MANBA: variants seen among roughly 807,000 people sequenced by gnomAD.
MANBA encodes beta-mannosidase.
A neutral mutation model predicts 111.1 loss-of-function variants in MANBA; 83 were observed. The ratio of observed to expected loss-of-function variants is 0.75; its 90% confidence interval spans 0.63 to 0.90. The LOEUF is 0.90. MANBA is among the 40% of genes least tolerant of loss of function. The pLI, the probability that MANBA is intolerant of heterozygous loss-of-function variation, is 0.00. For missense variants in MANBA, 1,036 were observed against 1,069.0 expected, an observed-to-expected ratio of 0.97 and a Z score of 0.43; for synonymous variants, 370 against 378.7, an observed-to-expected ratio of 0.98 and a Z score of 0.27.
intron 1 of MANBA, among the ~76,000 whole-genome samples, chr4:102,742,819 C>G (rs186128217): frequency 6.6e-6 from 1 of 152,228 alleles, no homozygotes; most frequent in Non-Finnish European, 1.5e-5. Context: ...AGAAGCAGTT[C>G]AATATAATCA....
intron 13 of MANBA, among the ~76,000 whole-genome samples, chr4:102,640,815 C>T (rs529375519): frequency 5.3e-5 from 8 of 152,244 alleles, no homozygotes; most frequent in Admixed American, 2.0e-4. Context: ...GGAAGGCTGA[C>T]CAGTAAGGAA....
At chr4:102,633,043 T>C (rs1225242416) in intron 16 of MANBA, among the ~76,000 whole-genome samples, 1 of 152,232 alleles carries the variant, frequency 6.6e-6, no homozygotes, top group Non-Finnish European at 1.5e-5. Context: ...ATGTTATGTG[T>C]GACATAAAGA....
At chr4:102,684,552 T>C (rs1019636655) in intron 7 of MANBA, among the ~76,000 whole-genome samples, 63 of 152,322 alleles carry the variant, frequency 4.1e-4, no homozygotes, top group African/African-American at 1.4e-3. Context: ...ACTACTCAAA[T>C]TGCAACAGCA....
chr4:102,719,272 C>T (rs1219116374), intron 4 of MANBA, among the ~76,000 whole-genome samples: 1 of 152,192 alleles, frequency 6.6e-6, no homozygotes, highest in Admixed American at 6.5e-5. Context: ...CCTACTTGCA[C>T]ATCCGTTTAT....
At chr4:102,727,963 C>T (rs1450210325) in intron 1 of MANBA, 7 of 439,074 alleles carry the variant, frequency 1.6e-5, no homozygotes, top group Middle Eastern at 8.0e-4. Flanking sequence ...CTGGAATGTA[C>T]GATTGGTTTT....
intron 4 of MANBA, among the ~76,000 whole-genome samples, chr4:102,719,307 T>C (rs1238979585): frequency 1.3e-5 from 2 of 152,212 alleles, no homozygotes; most frequent in Non-Finnish European, 2.9e-5. Flanking sequence ...AAGATAAATA[T>C]GGCTCTATTC....
At chr4:102,642,105 T>A (rs1215617593) in intron 13 of MANBA, among the ~76,000 whole-genome samples, 2 of 152,102 alleles carry the variant, frequency 1.3e-5, no homozygotes, top group African/African-American at 4.8e-5. Flanking sequence ...TATTGCCCAC[T>A]AAACTTCTTA....
chr4:102,644,652 C>T (rs1730022239), intron 13 of MANBA, among the ~76,000 whole-genome samples: 1 of 151,918 alleles, frequency 6.6e-6, no homozygotes, highest in African/African-American at 2.4e-5. Flanking sequence ...TCAATGAATA[C>T]AAAATTTCAA....
intron 1 of MANBA, among the ~76,000 whole-genome samples, chr4:102,755,509 A>G (rs1458435086): frequency 6.6e-6 from 1 of 152,386 alleles, no homozygotes; most frequent in African/African-American, 2.4e-5. Flanking sequence ...ACCTAAAACC[A>G]TAAAAACCCT....
At chr4:102,750,272 C>A (rs1723739316) in intron 1 of MANBA, among the ~76,000 whole-genome samples, 1 of 151,906 alleles carries the variant, frequency 6.6e-6, no homozygotes, top group Non-Finnish European at 1.5e-5. Context: ...GATCATTTCA[C>A]ATCATAAAAT....
chr4:102,655,140 G>C (rs1050357310), intron 12 of MANBA, among the ~76,000 whole-genome samples: 7 of 152,040 alleles, frequency 4.6e-5, no homozygotes, highest in African/African-American at 1.7e-4. Context: ...CCAAAGAAGC[G>C]TAAGACTGGT....
chr4:102,668,564 C>A, intron 10 of MANBA: 1 of 207,784 alleles, frequency 4.8e-6, no homozygotes, highest in South Asian at 7.8e-5. Flanking sequence ...AAACTTTCTC[C>A]TGAGCAATTC....
chr4:102,707,940 G>A (rs1003138765), intron 5 of MANBA, among the ~76,000 whole-genome samples: 2 of 152,116 alleles, frequency 1.3e-5, no homozygotes, highest in East Asian at 1.9e-4. Context: ...ATGATAAAAT[G>A]ATCAAATCCA....
chr4:102,734,645 G>A, intron 1 of MANBA: 1 of 1,489,978 alleles, frequency 6.7e-7, no homozygotes, highest in African/African-American at 1.4e-5. Flanking sequence ...CAGACAGGCA[G>A]GGAGAGGGCC....
chr4:102,742,244 T>C (rs1208293385), intron 1 of MANBA, among the ~76,000 whole-genome samples: 1 of 152,176 alleles, frequency 6.6e-6, no homozygotes, highest in East Asian at 1.9e-4. Flanking sequence ...TTGTGTCTCC[T>C]GGTGGCAGCG....
At chr4:102,737,549 C>G (rs1351323988) in intron 1 of MANBA, among the ~76,000 whole-genome samples, 1 of 152,028 alleles carries the variant, frequency 6.6e-6, no homozygotes, top group Non-Finnish European at 1.5e-5. Flanking sequence ...GTGGCACGAT[C>G]TCTGCTCACT....
At chr4:102,711,208 A>C (rs1301691998) in intron 5 of MANBA, among the ~76,000 whole-genome samples, 1 of 152,242 alleles carries the variant, frequency 6.6e-6, no homozygotes, top group Admixed American at 6.5e-5. Flanking sequence ...AAATATTTGC[A>C]GACTATTCAT....
At chr4:102,727,555 T>C (rs1463817850) in intron 1 of MANBA, 43 of 1,605,822 alleles carry the variant, frequency 2.7e-5, no homozygotes, top group Non-Finnish European at 3.5e-5. Context: ...AATTTCAAAC[T>C]GATCACCTGG....
At chr4:102,736,624 T>A (rs892323226) in intron 1 of MANBA, among the ~76,000 whole-genome samples, 1 of 152,230 alleles carries the variant, frequency 6.6e-6, no homozygotes, top group African/African-American at 2.4e-5. Flanking sequence ...AATAAATAGA[T>A]GTTAAGAAAA....
Sources: gnomAD v4.1 joint callset for allele counts (sites outside exome capture counted in the v4.1 genomes callset) on GRCh38, gnomAD v4.1.1 for gene constraint, MANE v1.5 for transcripts, NCBI Gene and HGNC (gene_info 2026-07-23, HGNC 2026-07-21) for gene names.